Variants in PRKCE observed in about 807,000 individuals in gnomAD.
PRKCE encodes protein kinase C epsilon.
PRKCE carries 16 observed loss-of-function variants against 85.4 expected under a neutral mutation model. That is an observed-to-expected ratio of 0.19 (90% confidence interval 0.13 to 0.28). The LOEUF is 0.28. PRKCE is among the 10% of genes least tolerant of loss of function. The probability of loss-of-function intolerance (pLI) is 1.00; values close to 1 mark genes in which losing one functional copy is unlikely to be tolerated. For synonymous variants in PRKCE, 388 were observed against 371.5 expected, an observed-to-expected ratio of 1.04 and a Z score of -0.51; for missense variants, 573 against 975.2, an observed-to-expected ratio of 0.59 and a Z score of 5.49.
intron 2 of PRKCE, among the ~76,000 whole-genome samples, chr2:45,964,174 A>C (rs1045163461): frequency 5.3e-5 from 8 of 152,070 alleles, no homozygotes; most frequent in South Asian, 2.1e-4. Flanking sequence ...GTCCCACTCT[A>C]CTCGGCACAT....
chr2:46,061,554 G>A (rs1422177240), intron 10 of PRKCE, among the ~76,000 whole-genome samples: 1 of 152,122 alleles, frequency 6.6e-6, no homozygotes, highest in African/African-American at 2.4e-5. Context: ...GGCTATTTTA[G>A]TAATAGAATC....
At chr2:45,914,622 G>A (rs1368551942) in intron 2 of PRKCE, among the ~76,000 whole-genome samples, 1 of 152,098 alleles carries the variant, frequency 6.6e-6, no homozygotes, top group Non-Finnish European at 1.5e-5. Context: ...CCTCTCCCTG[G>A]ACCATGCATT....
At chr2:46,097,101 A>C (rs966766619) in intron 11 of PRKCE, among the ~76,000 whole-genome samples, 8 of 152,196 alleles carry the variant, frequency 5.3e-5, no homozygotes, top group Non-Finnish European at 1.2e-4. Flanking sequence ...CAGATCTCAC[A>C]ACCAGGTGAT....
chr2:45,822,467 G>A (rs548698928), intron 1 of PRKCE, among the ~76,000 whole-genome samples: 2 of 152,356 alleles, frequency 1.3e-5, no homozygotes, highest in Admixed American at 6.5e-5. Context: ...CTGCAGGGTC[G>A]TGGCTGTCTG....
intron 1 of PRKCE, among the ~76,000 whole-genome samples, chr2:45,680,718 T>TGTAGA (rs1205492502): frequency 6.6e-6 from 1 of 152,234 alleles, no homozygotes; most frequent in Non-Finnish European, 1.5e-5. Context: ...ATGCACCTAT[T>TGTAGA]GTAGAGTCTT....
At chr2:45,668,452 A>C (rs939077337) in intron 1 of PRKCE, among the ~76,000 whole-genome samples, 1 of 152,140 alleles carries the variant, frequency 6.6e-6, no homozygotes, top group Non-Finnish European at 1.5e-5. Context: ...TTTGGTTTAT[A>C]ATTCTTTATG....
intron 1 of PRKCE, among the ~76,000 whole-genome samples, chr2:45,721,625 G>A (rs932295379): frequency 6.6e-6 from 1 of 151,972 alleles, no homozygotes; most frequent in Admixed American, 6.6e-5. Flanking sequence ...TAATCCCAGC[G>A]ACTCTGGAGG....
At chr2:45,755,307 A>G (rs888867648) in intron 1 of PRKCE, among the ~76,000 whole-genome samples, 1 of 152,206 alleles carries the variant, frequency 6.6e-6, no homozygotes, top group African/African-American at 2.4e-5. Context: ...GTGGCACTCA[A>G]TAAAGGTGCA....
intron 11 of PRKCE, among the ~76,000 whole-genome samples, chr2:46,130,395 G>T (rs1436759045): frequency 1.3e-5 from 2 of 151,658 alleles, no homozygotes; most frequent in South Asian, 2.1e-4. Context: ...TTATATATAA[G>T]TATATAGTAT....
chr2:45,744,549 T>TCTTTCTTTCTTCCTTCCTTC (rs1553397822), intron 1 of PRKCE, among the ~76,000 whole-genome samples: 1 of 84,058 alleles, frequency 1.2e-5, no homozygotes, highest in African/African-American at 5.0e-5. Flanking sequence ...TTTCTTTCTT[T>TCTTTCTTTCTTCCTTCCTTC]CTTCCTTCCT....
chr2:46,147,646 G>A (rs1055246886), intron 12 of PRKCE, among the ~76,000 whole-genome samples: 12 of 152,212 alleles, frequency 7.9e-5, no homozygotes, highest in African/African-American at 2.9e-4. Context: ...AATTACAGCT[G>A]ATAAAGGTAT....
At chr2:46,049,227 A>C (rs1360832321) in intron 10 of PRKCE, among the ~76,000 whole-genome samples, 1 of 152,120 alleles carries the variant, frequency 6.6e-6, no homozygotes, top group Non-Finnish European at 1.5e-5. Flanking sequence ...GATGGTTTCC[A>C]GGGACCTCAG....
At chr2:46,177,312 G>C (rs1282896830) in intron 14 of PRKCE, among the ~76,000 whole-genome samples, 2 of 152,168 alleles carry the variant, frequency 1.3e-5, no homozygotes, top group African/African-American at 4.8e-5. Context: ...ATTGGAGTTT[G>C]TATTAGTTGC....
intron 13 of PRKCE, among the ~76,000 whole-genome samples, chr2:46,156,023 A>G (rs1334430177): frequency 6.8e-6 from 1 of 147,316 alleles, no homozygotes; most frequent in African/African-American, 2.5e-5. Context: ...AAAAAACTTC[A>G]TGTACAAAAA....
At chr2:45,863,021 G>A (rs1693294458) in intron 2 of PRKCE, among the ~76,000 whole-genome samples, 1 of 152,204 alleles carries the variant, frequency 6.6e-6, no homozygotes, top group South Asian at 2.1e-4. Context: ...ACTGCTGGAG[G>A]AGAAGAGAGC....
At chr2:45,937,191 C>A (rs1367732971) in intron 2 of PRKCE, among the ~76,000 whole-genome samples, 1 of 152,092 alleles carries the variant, frequency 6.6e-6, no homozygotes, top group African/African-American at 2.4e-5. Flanking sequence ...TATAATTGTA[C>A]TTAAATAAAA....
At chr2:45,825,568 T>C (rs995279835) in intron 1 of PRKCE, among the ~76,000 whole-genome samples, 1 of 152,190 alleles carries the variant, frequency 6.6e-6, no homozygotes, top group East Asian at 1.9e-4. Context: ...ATGAAATCAA[T>C]GTTACACCTG....
intron 14 of PRKCE, among the ~76,000 whole-genome samples, chr2:46,181,837 C>G (rs1638717748): frequency 6.6e-6 from 1 of 152,076 alleles, no homozygotes; most frequent in Non-Finnish European, 1.5e-5. Context: ...CTGGAGAATC[C>G]CGGTCACTAT....
chr2:45,945,634 G>A (rs1404709488), intron 2 of PRKCE, among the ~76,000 whole-genome samples: 2 of 152,196 alleles, frequency 1.3e-5, no homozygotes. Context: ...ACCATACTAA[G>A]TGCTTTCCAT....
Sources: gnomAD v4.1 joint callset for allele counts (sites outside exome capture counted in the v4.1 genomes callset) on GRCh38, gnomAD v4.1.1 for gene constraint, MANE v1.5 for transcripts, NCBI Gene and HGNC (gene_info 2026-07-23, HGNC 2026-07-21) for gene names.